Variants in DISC1 observed in about 807,000 individuals in gnomAD.
DISC1 encodes DISC1 scaffold protein.
DISC1 carries 57 observed loss-of-function variants against 84.5 expected under a neutral mutation model. That is an observed-to-expected ratio of 0.67 (90% CI 0.55 to 0.84). The LOEUF (loss-of-function observed/expected upper bound fraction) is 0.84. Among genes scored for constraint, DISC1 ranks in the 40% least tolerant of loss-of-function variants. The pLI, the probability that DISC1 is intolerant of heterozygous loss-of-function variation, is 0.00. For synonymous variants in DISC1, 411 were observed against 415.2 expected, an observed-to-expected ratio of 0.99 and a Z score of 0.12; for missense variants, 1,000 against 1,057.8, an observed-to-expected ratio of 0.95 and a Z score of 0.76.
chr1:231,663,444 C>T (rs2061727190), intron 1 of DISC1, among the ~76,000 whole-genome samples: 1 of 152,200 alleles, frequency 6.6e-6, no homozygotes. Flanking sequence ...ACATCCTGGA[C>T]ATCTGCAGTT....
At chr1:232,015,011 G>A (rs955773564) in intron 11 of DISC1, among the ~76,000 whole-genome samples, 11 of 152,206 alleles carry the variant, frequency 7.2e-5, no homozygotes, top group African/African-American at 2.7e-4. Flanking sequence ...ACAGAACTGC[G>A]CAGGCTTACC....
chr1:231,731,719 A>G (rs1442199805), intron 3 of DISC1, among the ~76,000 whole-genome samples: 2 of 152,214 alleles, frequency 1.3e-5, no homozygotes, highest in Non-Finnish European at 2.9e-5. Context: ...TAGTCTATTC[A>G]GTTTTTCCAA....
At chr1:231,899,572 T>G (rs988650666) in intron 9 of DISC1, among the ~76,000 whole-genome samples, 1 of 152,190 alleles carries the variant, frequency 6.6e-6, no homozygotes, top group African/African-American at 2.4e-5. Context: ...GAGGATGAAA[T>G]TTATAGCAAT....
intron 9 of DISC1, among the ~76,000 whole-genome samples, chr1:231,832,476 G>T (rs548096075): frequency 7.6e-4 from 115 of 152,252 alleles, no homozygotes; most frequent in African/African-American, 2.6e-3. Flanking sequence ...GATCAGCAGG[G>T]AGAGCATGTG....
At chr1:231,886,825 T>C (rs1574411454) in intron 9 of DISC1, among the ~76,000 whole-genome samples, 1 of 144,210 alleles carries the variant, frequency 6.9e-6, no homozygotes, top group South Asian at 2.3e-4. Context: ...CTTTCTTTCT[T>C]TCTTTCTTTC....
chr1:231,829,447 C>G (rs2082070275), intron 9 of DISC1, among the ~76,000 whole-genome samples: 1 of 152,092 alleles, frequency 6.6e-6, no homozygotes, highest in Admixed American at 6.5e-5. Context: ...TCACTGCAAC[C>G]TCCACCTCCT....
chr1:231,756,107 TA>T (rs2075086554), intron 4 of DISC1, among the ~76,000 whole-genome samples: 1 of 152,226 alleles, frequency 6.6e-6, no homozygotes, highest in African/African-American at 2.4e-5. Flanking sequence ...AATAGACACT[TA>T]CTGAAATATT....
intron 4 of DISC1, among the ~76,000 whole-genome samples, chr1:231,763,289 C>G (rs764536231): frequency 6.6e-6 from 1 of 152,206 alleles, no homozygotes; most frequent in Non-Finnish European, 1.5e-5. Flanking sequence ...GGTATAATAG[C>G]ATCTTCATCT....
intron 9 of DISC1, among the ~76,000 whole-genome samples, chr1:231,909,837 A>G (rs924640427): frequency 1.3e-5 from 2 of 152,172 alleles, no homozygotes; most frequent in African/African-American, 4.8e-5. Flanking sequence ...GCTATTAATT[A>G]TTGCCTCAAT....
intron 1 of DISC1, among the ~76,000 whole-genome samples, chr1:231,627,663 G>A (rs541999674): frequency 6.6e-6 from 1 of 152,358 alleles, no homozygotes; most frequent in South Asian, 2.1e-4. Flanking sequence ...AAAATGTGAG[G>A]TTTTCCAAAG....
Position 231,954,233 on chromosome 1 carries a change from C to T in DISC1, c.1982-4595C>T, listed in dbSNP as rs532009332. On this transcript the variant is annotated intron_variant, in intron 9 of 12. Coordinates refer to ENST00000439617, the MANE Select transcript of DISC1 (RefSeq NM_018662.3). This position sits in a 1 kb window ranked among gnomAD's most constrained non-coding sequence, Gnocchi z 4.8. Reference sequence around the variant, plus strand: ...ATCAGTGTTAAAGAGGCTGGTCCCACAGCTATCTCTGTGTCCCTGGAAGCC... The same window carrying T: ...ATCAGTGTTAAAGAGGCTGGTCCCATAGCTATCTCTGTGTCCCTGGAAGCC... Among the ~76,000 whole-genome samples the T allele has an allele frequency of 3.0e-4, 46 of 152,286 alleles. No homozygotes were observed. The South Asian group carries it at 9.3e-3, about 31-fold the overall frequency.
At chr1:231,668,734 G>A (rs74143902) in intron 1 of DISC1, among the ~76,000 whole-genome samples, 222 of 152,236 alleles carry the variant, frequency 1.5e-3, no homozygotes, top group African/African-American at 5.0e-3. Flanking sequence ...CAGTGATAGT[G>A]ATACCAAAAA....
chr1:232,040,160 T>C lies in DISC1; in HGVS notation c.*3329T>C, dbSNP rs1402931091. On this transcript the variant is annotated 3_prime_UTR_variant, in exon 13 of 13. Transcript: ENST00000439617. ...GCATTTGCCACCGGGCCCTGATGATTTTTGTATTTTTAGTAGAGACAGGGC... is the reference window on the plus strand; with the variant it reads ...GCATTTGCCACCGGGCCCTGATGATCTTTGTATTTTTAGTAGAGACAGGGC... 1 of 152,034 alleles carries C rather than the reference T, an allele frequency of 6.6e-6. No individual in the cohort carries two copies. Among genetic ancestry groups the C allele is most frequent in the African/African-American group, 2.4e-5 (1 of 41,352 alleles). 9.4% of individuals were successfully genotyped at this position (152,034 alleles called of 1,614,324 possible).
At chr1:231,776,663 T>G (rs1400502845) in intron 6 of DISC1, among the ~76,000 whole-genome samples, 1 of 152,208 alleles carries the variant, frequency 6.6e-6, no homozygotes, top group Non-Finnish European at 1.5e-5. Context: ...CTGTGCTCAG[T>G]CCACAACATG....
chr1:231,986,881 T>TC (rs1480610383), intron 10 of DISC1, among the ~76,000 whole-genome samples: 2 of 152,056 alleles, frequency 1.3e-5, no homozygotes, highest in African/African-American at 2.4e-5. Flanking sequence ...CAAAAATTAA[T>TC]CCCCCTCCTG....
intron 1 of DISC1, among the ~76,000 whole-genome samples, chr1:231,688,540 G>A (rs7552630): frequency 9.9e-5 from 15 of 152,086 alleles, no homozygotes; most frequent in Admixed American, 7.8e-4. Context: ...CCTTTAATCC[G>A]ATGAGGTGGT....
At chr1:231,981,599 A>G (rs1663615643) in intron 10 of DISC1, among the ~76,000 whole-genome samples, 1 of 152,266 alleles carries the variant, frequency 6.6e-6, no homozygotes, top group Admixed American at 6.5e-5. Context: ...AAATGAAAAC[A>G]TACATTAATG....
In DISC1 at chr1:231,859,991, T is replaced by A. The variant is rs184347477; in HGVS notation, c.1981+41474T>A. On this transcript the variant is annotated intron_variant, in intron 9 of 12. Transcript: ENST00000439617. ...AAGGTGGCTTCCAGTTTTCATACTCTGTAAAAGGCTTAGTGATGGAAGGAG... is the reference window on the plus strand; with the variant it reads ...AAGGTGGCTTCCAGTTTTCATACTCAGTAAAAGGCTTAGTGATGGAAGGAG... Among the ~76,000 whole-genome samples, 5 of 152,304 alleles carry A rather than the reference T, an allele frequency of 3.3e-5. No homozygotes were observed. The East Asian group carries it at 9.7e-4, about 29-fold the overall frequency.
intron 5 of DISC1, among the ~76,000 whole-genome samples, chr1:231,769,639 G>T (rs2076408376): frequency 6.6e-6 from 1 of 152,166 alleles, no homozygotes; most frequent in South Asian, 2.1e-4. Context: ...TTTTCAATGG[G>T]TACAGAGTCT....
Sources: gnomAD v4.1 joint callset for allele counts (sites outside exome capture counted in the v4.1 genomes callset) on GRCh38, gnomAD v4.1.1 for gene constraint, Gnocchi (gnomAD v3.1) non-coding constraint, MANE v1.5 for transcripts, NCBI Gene and HGNC (gene_info 2026-07-23, HGNC 2026-07-21) for gene names.